The following CD74 variants were observed in gnomAD, a reference collection of about 807,000 sequenced individuals.
CD74 encodes the protein CD74 molecule, also known as HLA class II histocompatibility antigen gamma chain.
Under a neutral mutation model 37.1 loss-of-function variants are expected in CD74, and 20 were observed. The ratio of observed to expected loss-of-function variants is 0.54; its 90% CI spans 0.38 to 0.78. CD74 has a LOEUF of 0.78. Among genes scored for constraint, CD74 ranks in the 30% least tolerant of loss-of-function variants. CD74 has a pLI of 0.00. For synonymous variants in CD74, 150 were observed against 152.0 expected (o/e 0.99, Z 0.10); for missense variants, 338 against 389.5 (o/e 0.87, Z 1.11).
In CD74 at chr5:150,402,195, A is replaced by C. The variant is rs777762777; in HGVS notation, c.*45T>G. On this transcript the variant is annotated 3_prime_UTR_variant, in exon 9 of 9. Coordinates refer to ENST00000009530, the MANE Select transcript of CD74 (RefSeq NM_001025159.3). The surrounding 1 kb of genome is among the most constrained non-coding windows in gnomAD (Gnocchi z 4.2). ...GGGCTGAAGGGAGCAAGAAAGCTGT[A>C]GCTGTGTGGGGCTGGCAGGATGTTG... The C allele has an allele frequency of 4.4e-6, 7 of 1,591,354 alleles. No homozygotes were observed. The South Asian group carries it at 8.0e-5, about 18-fold the overall frequency.
In CD74 at chr5:150,407,835, C is replaced by G. The variant is rs1186022669; in HGVS notation, c.126-511G>C. The stretch of plus-strand genomic sequence containing the variant: ...GTGGCGCGATCTCGGCTCACTGCAA[C>G]CTCCACCTCCTGGGTTTATGCCATT... On this transcript the variant is annotated intron_variant, in intron 1 of 8. Transcript: ENST00000009530. This position sits in a 1 kb window ranked among gnomAD's most constrained non-coding sequence, Gnocchi z 4.4. Among the ~76,000 whole-genome samples, 1 of 152,100 alleles carries G rather than the reference C, an allele frequency of 6.6e-6. No individual in the cohort carries two copies. The highest frequency in any genetic ancestry group is 1.5e-5 in the Non-Finnish European group (1 of 68,006).
chr5:150,406,010 A>C, intron 4 of CD74: 1 of 378,716 alleles, frequency 2.6e-6, no homozygotes, highest in African/African-American at 2.0e-5. Context: ...GCCTCAGGTG[A>C]TCTGCCTGCC....
rs1204249118 is a variant in CD74 at position 150,402,253 on chromosome 5, GGA to G, written c.881-5_881-4del. On this transcript the variant is annotated splice_region_variant and splice_polypyrimidine_tract_variant and intron_variant, in intron 8 of 8. Coordinates refer to ENST00000009530, the MANE Select transcript of CD74 (RefSeq NM_001025159.3). This position sits in a 1 kb window ranked among gnomAD's most constrained non-coding sequence, Gnocchi z 4.2. ...CCTCTGCTGCTCTCACATGGGGACT[GGA>G]GAGAGAAGCAGCAGGTTGAGGTTGG... is the stretch of plus-strand genomic sequence containing the variant. The G allele has an allele frequency of 1.3e-6, 2 of 1,593,028 alleles. No individual in the cohort carries two copies. Among genetic ancestry groups the G allele is most frequent in the Admixed American group, 1.7e-5 (1 of 57,714 alleles).
In CD74 at chr5:150,407,219, C is replaced by A. The variant is rs752548987; in HGVS notation, c.231G>T (p.Arg77=). The A allele has an allele frequency of 6.2e-7, 1 of 1,613,986 alleles. No homozygotes were observed. Among genetic ancestry groups the A allele is most frequent in the Non-Finnish European group, 8.5e-7 (1 of 1,179,962 alleles). ...TAYFLYQQQG[R]LDKLTVTSQN... is the part of the protein sequence containing the mutation. ...GGGAGGTGACTGTCAGTTTGTCCAG[C>A]CGGCCCTGCTGCTGGTACAGGAAGT... The change falls in exon 2 of 9, where the codon CGG becomes CGT. Residue 77 remains arginine, a synonymous_variant. Transcript: ENST00000009530. The surrounding 1 kb of genome is among the most constrained non-coding windows in gnomAD (Gnocchi z 4.4).
chr5:150,406,998 G>T, intron 2 of CD74, 38 bp from the exon 3 acceptor site: 1 of 1,549,574 alleles, frequency 6.5e-7, no homozygotes, highest in Non-Finnish European at 8.8e-7. Flanking sequence ...TGGCCCCGGT[G>T]CCCAGGGAGG....
rs1467212941 is a variant in CD74, at chr5:150,403,514, T to C, written c.626-202A>G. Among the ~76,000 whole-genome samples the C allele has an allele frequency of 6.6e-6, 1 of 152,194 alleles. No homozygotes were observed. The highest frequency in any genetic ancestry group is 1.5e-5 in the Non-Finnish European group (1 of 68,032). On this transcript the variant is annotated intron_variant, in intron 6 of 8. Transcript: ENST00000009530. The surrounding 1 kb of genome is among the most constrained non-coding windows in gnomAD (Gnocchi z 4.5). The stretch of plus-strand genomic sequence containing the variant: ...AGATCAAAAAGGAAGTGAATGGCCA[T>C]GTGTCCAATTCACCTCAGAAGTTGA...
chr5:150,409,171 C>T (rs1476418643), intron 1 of CD74, among the ~76,000 whole-genome samples: 5 of 146,598 alleles, frequency 3.4e-5, no homozygotes, highest in South Asian at 2.2e-4. Context: ...TGCAGTGAGC[C>T]GAGATCACGT....
intron 4 of CD74, 52 bp from the exon 5 acceptor site, chr5:150,405,232 C>T: frequency 6.5e-7 from 1 of 1,541,698 alleles, no homozygotes; most frequent in Non-Finnish European, 8.7e-7. Context: ...CCCTGGCAGG[C>T]AGTGTGAAAT....
rs752313089 is a variant in CD74 at position 150,405,059 on chromosome 5, G to T, written c.537+26C>A. ...CCCTAGACACCAGAGGAAAGAGAGA[G>T]TTCCCATGCAGGGAAACCTGCTGAC... is the stretch of plus-strand genomic sequence containing the variant. On this transcript the variant is annotated intron_variant, in intron 5 of 8. Coordinates refer to ENST00000009530, the MANE Select transcript of CD74 (RefSeq NM_001025159.3). 3.8e-6 allele frequency: 6 copies of T among 1,591,166 alleles called. No individual in the cohort carries two copies. In the Admixed American group the frequency reaches 8.4e-5, roughly 22 times the overall value.
chr5:150,411,024 T>A (rs1770313179), intron 1 of CD74, among the ~76,000 whole-genome samples: 1 of 152,236 alleles, frequency 6.6e-6, no homozygotes, highest in African/African-American at 2.4e-5. Flanking sequence ...AGACTAGTCC[T>A]GGTTCAAATT....
At chr5:150,405,300 GCCTAAA>G (rs1769891892) in intron 4 of CD74, 120 bp from the exon 5 acceptor site, 9 of 1,424,024 alleles carry the variant, frequency 6.3e-6, no homozygotes, top group Non-Finnish European at 8.3e-6. Context: ...GCTACACCAA[GCCTAAA>G]CCCTGGACTT....
Position 150,402,106 on chromosome 5 carries a change from G to C in CD74, c.*134C>G. On this transcript the variant is annotated 3_prime_UTR_variant, in exon 9 of 9. Coordinates refer to ENST00000009530, the MANE Select transcript of CD74 (RefSeq NM_001025159.3). This position sits in a 1 kb window ranked among gnomAD's most constrained non-coding sequence, Gnocchi z 4.2. ...TTGGTTTGTCTTGTCCAAGGGTGAC[G>C]AAAGAGCCAGGCACCAGGGTCTCAT... The C allele has an allele frequency of 6.5e-7, 1 of 1,546,064 alleles. No individual in the cohort carries two copies. The highest frequency in any genetic ancestry group is 8.7e-7 in the Non-Finnish European group (1 of 1,146,128).
At chr5:150,409,843 AACAG>A (rs1168197342) in intron 1 of CD74, among the ~76,000 whole-genome samples, 1 of 151,914 alleles carries the variant, frequency 6.6e-6, no homozygotes, top group African/African-American at 2.4e-5. Flanking sequence ...AACGGACTAA[AACAG>A]ACCCATTGGG....
rs778992754 is a variant in CD74 at position 150,412,780 on chromosome 5, A to C, written c.-31T>G. On this transcript the variant is annotated 5_prime_UTR_variant, in exon 1 of 9. Coordinates refer to ENST00000009530, the MANE Select transcript of CD74 (RefSeq NM_001025159.3). Reference sequence around the variant, plus strand: ...ACCCTGACCCCCCGGCTCGCCTCTTAAAGTCGGTGCTGGAGAGGAATCTGA... The same window carrying C: ...ACCCTGACCCCCCGGCTCGCCTCTTCAAGTCGGTGCTGGAGAGGAATCTGA... 5 of 1,612,882 alleles carry C rather than the reference A, an allele frequency of 3.1e-6. No individual in the cohort carries two copies. The highest frequency in any genetic ancestry group is 4.2e-6 in the Non-Finnish European group (5 of 1,179,684).
chr5:150,406,869 G>A lies in CD74; in HGVS notation c.378+12C>T. 1 of 1,479,730 alleles carries A rather than the reference G, an allele frequency of 6.8e-7. No individual in the cohort carries two copies. The highest frequency in any genetic ancestry group is 9.0e-7 in the Non-Finnish European group (1 of 1,115,046). The allele number at this position is 1,479,730 out of a possible 1,614,324, so 91.7% of individuals were successfully genotyped here. The stretch of plus-strand genomic sequence containing the variant: ...AACCTTGCCCCTCCCACCACCCTGG[G>A]GCTGTCCTTACCCCCTGGGGCAGGG... On this transcript the variant is annotated intron_variant, in intron 3 of 8. Coordinates refer to ENST00000009530, the MANE Select transcript of CD74 (RefSeq NM_001025159.3).
intron 4 of CD74, 80 bp downstream of exon 4, chr5:150,406,179 G>C: frequency 1.0e-6 from 1 of 997,692 alleles, no homozygotes. Context: ...CCATGAGCCA[G>C]GTATACAGGC....
Position 150,401,643 on chromosome 5 carries a change from A to T in CD74, c.*597T>A. Reference sequence around the variant, plus strand: ...GAAGAGCCAGGAGCCAGAGTGTTCTAATTACTACCTTTTATTCTAATGTGA... The same window carrying T: ...GAAGAGCCAGGAGCCAGAGTGTTCTTATTACTACCTTTTATTCTAATGTGA... On this transcript the variant is annotated 3_prime_UTR_variant, in exon 9 of 9. Transcript: ENST00000009530. 1 of 427,824 alleles carries T rather than the reference A, an allele frequency of 2.3e-6. No homozygotes were observed. Among genetic ancestry groups the T allele is most frequent in the South Asian group, 3.3e-5 (1 of 30,612 alleles). The allele number at this position is 427,824 out of a possible 1,614,324, so 26.5% of individuals were successfully genotyped here.
intron 1 of CD74, among the ~76,000 whole-genome samples, chr5:150,408,052 G>GTT (rs375708711): frequency 1.4e-5 from 2 of 147,004 alleles, no homozygotes; most frequent in East Asian, 2.0e-4. Flanking sequence ...CTTTTGTTTT[G>GTT]TTTTTTTTTT....
chr5:150,411,910 C>T (rs544919634), intron 1 of CD74, among the ~76,000 whole-genome samples: 2 of 152,348 alleles, frequency 1.3e-5, no homozygotes, highest in South Asian at 4.1e-4. Context: ...CTTTTAGAAA[C>T]TCTTTCTCCA....
Sources: allele counts gnomAD v4.1 joint callset (sites outside exome capture counted in the v4.1 genomes callset), GRCh38; gene constraint gnomAD v4.1.1; non-coding constraint Gnocchi (gnomAD v3.1); transcripts MANE v1.5; gene names NCBI Gene and HGNC (gene_info 2026-07-23, HGNC 2026-07-21).